NRXN1: variants seen among roughly 807,000 people sequenced by gnomAD.
NRXN1 encodes neurexin-1.
In NRXN1, 39 loss-of-function variants were observed where a neutral mutation model predicts 150.9. The observed-to-expected ratio is 0.26, with a 90% CI of 0.20 to 0.34. The LOEUF is 0.34. NRXN1 is among the 10% of genes least tolerant of loss of function. NRXN1 has a pLI of 1.00. For synonymous variants in NRXN1, 924 were observed against 757.0 expected (o/e 1.22, Z -3.62); for missense variants, 1,815 against 1,949.9 (o/e 0.93, Z 1.30).
At chr2:50,621,064 CAACAGATGAAAAG>C in intron 7 of NRXN1, 149 bp downstream of exon 7, 2 of 571,272 alleles carry the variant, frequency 3.5e-6, no homozygotes, top group South Asian at 6.4e-5. Flanking sequence ...AGAAGGTCAA[CAACAGATGAAAAG>C]AAGGAGGTCA....
Position 49,922,202 on chromosome 2 carries a change from T to G in NRXN1, c.4266A>C (p.Glu1422Asp). The G allele has an allele frequency of 6.2e-7, 1 of 1,614,194 alleles. No homozygotes were observed. Among genetic ancestry groups the G allele is most frequent in the South Asian group, 1.1e-5 (1 of 91,084 alleles). ...GGREPYPGSA[E>D]VIRESSSTTG... ...TGGTGCTGCTGGACTCCCGGATCAC[T>G]TCTGCTGAGCCTGGATACGGCTCTC... The change falls in exon 23 of 23, where the codon GAA becomes GAC. Residue 1422 changes from glutamate (E) to aspartate (D), a missense_variant. This residue lies in a region of NRXN1 where 265 missense variants were observed against 307.1 expected (regional missense o/e 0.86). Transcript: ENST00000401669.
intron 2 of NRXN1, among the ~76,000 whole-genome samples, chr2:50,961,973 AAG>A (rs1553428230): frequency 4.1e-5 from 6 of 146,490 alleles, no homozygotes; most frequent in East Asian, 4.1e-4. Flanking sequence ...TTAAAAAAAA[AAG>A]AAGAAGAAAA....
intron 5 of NRXN1, chr2:50,912,749 G>T (rs1353531369): frequency 7.6e-6 from 1 of 131,018 alleles, no homozygotes; most frequent in East Asian, 2.2e-4. Context: ...TCTATTCAGG[G>T]AATAACATGC....
At chr2:49,922,312 A>G in intron 22 of NRXN1, 61 bp from the exon 23 acceptor site, 1 of 1,457,828 alleles carries the variant, frequency 6.9e-7, no homozygotes, top group Admixed American at 1.9e-5. Context: ...AATACCAGAG[A>G]GCTATATTAA....
chr2:50,872,343 T>C (rs918053413), intron 5 of NRXN1, among the ~76,000 whole-genome samples: 1 of 151,600 alleles, frequency 6.6e-6, no homozygotes, highest in African/African-American at 2.4e-5. Context: ...ATCAGTCTGG[T>C]GGAGTGCAGA....
chr2:50,602,571 A>G (rs1016970053), intron 8 of NRXN1, among the ~76,000 whole-genome samples: 1 of 152,148 alleles, frequency 6.6e-6, no homozygotes, highest in Non-Finnish European at 1.5e-5. Flanking sequence ...AAAGATGATT[A>G]TCAAAAGGAA....
At chr2:50,554,939 T>C (rs1668016951) in intron 8 of NRXN1, among the ~76,000 whole-genome samples, 1 of 152,118 alleles carries the variant, frequency 6.6e-6, no homozygotes, top group Non-Finnish European at 1.5e-5. Flanking sequence ...AAAAAGGAAT[T>C]ACATTAATTC....
At chr2:50,976,929 T>A (rs897432777) in intron 2 of NRXN1, among the ~76,000 whole-genome samples, 2 of 151,976 alleles carry the variant, frequency 1.3e-5, no homozygotes, top group African/African-American at 2.4e-5. Flanking sequence ...AAAACAATGA[T>A]CATCAAAGGT....
intron 5 of NRXN1, among the ~76,000 whole-genome samples, chr2:50,672,294 C>A (rs1688967880): frequency 6.6e-6 from 1 of 150,904 alleles, no homozygotes; most frequent in African/African-American, 2.4e-5. Context: ...ACAGTTAGTC[C>A]AGGGAAAATT....
At chr2:50,323,825 A>G (rs1295595238) in intron 17 of NRXN1, among the ~76,000 whole-genome samples, 1 of 152,210 alleles carries the variant, frequency 6.6e-6, no homozygotes, top group Non-Finnish European at 1.5e-5. Context: ...ATAGGAAACG[A>G]CAAGTTGACC....
intron 18 of NRXN1, among the ~76,000 whole-genome samples, chr2:50,188,178 T>C (rs1275102157): frequency 1.3e-5 from 2 of 152,092 alleles, no homozygotes; most frequent in Non-Finnish European, 2.9e-5. Context: ...AACAGATATA[T>C]AGACCAATGG....
At chr2:50,917,665 T>G (rs1574925539) in intron 5 of NRXN1, 1 of 151,616 alleles carries the variant, frequency 6.6e-6, no homozygotes, top group Admixed American at 6.6e-5. Context: ...CCCTTTCAAG[T>G]GAGGACACAA....
At chr2:50,117,005 T>G (rs1397473403) in intron 18 of NRXN1, among the ~76,000 whole-genome samples, 1 of 152,040 alleles carries the variant, frequency 6.6e-6, no homozygotes, top group African/African-American at 2.4e-5. Flanking sequence ...CTTAACTGAG[T>G]TACAAAAATA....
intron 21 of NRXN1, among the ~76,000 whole-genome samples, chr2:50,037,564 T>G (rs1343323708): frequency 6.6e-6 from 1 of 152,156 alleles, no homozygotes; most frequent in Non-Finnish European, 1.5e-5. Context: ...GAGATTTCAT[T>G]AAAGATACGA....
chr2:50,475,337 T>C (rs555947331), intron 15 of NRXN1, among the ~76,000 whole-genome samples: 2 of 152,152 alleles, frequency 1.3e-5, no homozygotes, highest in African/African-American at 2.4e-5. Flanking sequence ...CTAAGCACGG[T>C]TGGCCCTCAA....
intron 13 of NRXN1, among the ~76,000 whole-genome samples, chr2:50,501,949 A>G (rs1283930356): frequency 6.6e-6 from 1 of 152,174 alleles, no homozygotes; most frequent in Admixed American, 6.5e-5. Flanking sequence ...AGTCTCTAGT[A>G]CCTTCCTTGC....
chr2:50,962,887 T>C (rs757152348), intron 2 of NRXN1, among the ~76,000 whole-genome samples: 1 of 151,622 alleles, frequency 6.6e-6, no homozygotes, highest in East Asian at 1.9e-4. Context: ...ATGTTCCACA[T>C]GTTTAGCATT....
chr2:50,563,236 T>C (rs1024624283), intron 8 of NRXN1, among the ~76,000 whole-genome samples: 5 of 152,238 alleles, frequency 3.3e-5, no homozygotes, highest in Non-Finnish European at 7.3e-5. Context: ...AAATTATATC[T>C]TGCTTTGAAT....
intron 5 of NRXN1, among the ~76,000 whole-genome samples, chr2:50,793,338 A>C (rs1297934193): frequency 6.6e-6 from 1 of 152,100 alleles, no homozygotes; most frequent in Non-Finnish European, 1.5e-5. Flanking sequence ...CAAGTCTTCC[A>C]GTTGGGTGGT....
Sources: allele counts gnomAD v4.1 joint callset (sites outside exome capture counted in the v4.1 genomes callset), GRCh38; gene constraint gnomAD v4.1.1; regional missense constraint gnomAD v4.1.1; transcripts MANE v1.5; gene names NCBI Gene and HGNC (gene_info 2026-07-23, HGNC 2026-07-21).